The following SLC19A1 variants were observed in gnomAD, a reference collection of about 807,000 sequenced individuals.
SLC19A1 encodes the protein reduced folate transporter.
A neutral mutation model predicts 35.3 loss-of-function variants in SLC19A1; 37 were observed. The ratio of observed to expected loss-of-function variants is 1.05; its 90% CI spans 0.81 to 1.38. The LOEUF (loss-of-function observed/expected upper bound fraction) is 1.38, where lower values mean the gene tolerates loss of function less well. Among genes scored for constraint, SLC19A1 ranks in the 40% most tolerant of loss-of-function variants. SLC19A1 has a pLI of 0.00. For missense variants in SLC19A1, 831 were observed against 826.9 expected, an observed-to-expected ratio of 1.00 and a Z score of -0.06; for synonymous variants, 460 against 398.5, an observed-to-expected ratio of 1.15 and a Z score of -1.84.
At chr21:45,521,091 G>C (rs1048967580) in intron 5 of SLC19A1, among the ~76,000 whole-genome samples, 3 of 150,926 alleles carry the variant, frequency 2.0e-5, no homozygotes, top group African/African-American at 7.3e-5. Context: ...ACCATATGAA[G>C]ACAAAGGGAG....
At chr21:45,509,095 G>C (rs1346081803), downstream of SLC19A1, among the ~76,000 whole-genome samples, 1 of 152,134 alleles carries the variant, frequency 6.6e-6, no homozygotes, top group African/African-American at 2.4e-5. Context: ...GGCACGTGGT[G>C]AGTGATTGCT....
chr21:45,555,620 G>A (rs968823265), intron 1 of SLC19A1, among the ~76,000 whole-genome samples: 23 of 150,712 alleles, frequency 1.5e-4, no homozygotes, highest in Admixed American at 1.2e-3. Context: ...CCACCGTCCC[G>A]GGCACTTGGG....
chr21:45,550,483 T>C (rs913001922), intron 1 of SLC19A1, among the ~76,000 whole-genome samples: 26 of 152,252 alleles, frequency 1.7e-4, no homozygotes, highest in South Asian at 4.1e-4. Flanking sequence ...TGGAATTTCC[T>C]TGACTACACG....
In SLC19A1 at chr21:45,515,374, A is replaced by T; in HGVS notation, c.*284T>A. The T allele has an allele frequency of 7.0e-7, 1 of 1,437,210 alleles. No individual in the cohort carries two copies. Among genetic ancestry groups the T allele is most frequent in the African/African-American group, 1.4e-5 (1 of 69,718 alleles). 89.0% of individuals were successfully genotyped at this position (1,437,210 alleles called of 1,614,324 possible). Reference sequence around the variant, plus strand: ...ATTTGTCTCAAGCCCCCCAAGGGGCATGAGCCAGTGAGGCCTGGTGGACGC... The same window carrying T: ...ATTTGTCTCAAGCCCCCCAAGGGGCTTGAGCCAGTGAGGCCTGGTGGACGC... On this transcript the variant is annotated 3_prime_UTR_variant, in exon 6 of 6. Coordinates refer to ENST00000311124, the MANE Select transcript of SLC19A1 (RefSeq NM_194255.4).
chr21:45,542,741 G>A (rs971885289), upstream of SLC19A1, among the ~76,000 whole-genome samples: 2 of 150,892 alleles, frequency 1.3e-5, no homozygotes, highest in African/African-American at 4.9e-5. Context: ...ACTCGCGGAG[G>A]TGTCGGTCCC....
rs1393760307 is a variant in SLC19A1, at chr21:45,513,219, C to A, written c.*2439G>T. On this transcript the variant is annotated 3_prime_UTR_variant, in exon 6 of 6. Coordinates refer to ENST00000311124, the MANE Select transcript of SLC19A1 (RefSeq NM_194255.4). ...CCCCATCTCATGCCCCTGGCTGGGA[C>A]GTGGCTCAGCCAGCACTTGTCCAGC... is the stretch of plus-strand genomic sequence containing the variant. The A allele has an allele frequency of 3.3e-5, 5 of 152,342 alleles. No individual in the cohort carries two copies. Among genetic ancestry groups the A allele is most frequent in the Non-Finnish European group, 7.3e-5 (5 of 68,152 alleles). The allele number at this position is 152,342 out of a possible 1,614,324, so 9.4% of individuals were successfully genotyped here. A position where few individuals can be genotyped will look rare whatever the true frequency, so the allele number is the denominator to read the frequency against.
intron 3 of SLC19A1, chr21:45,505,397 C>T (rs1264718846): frequency 1.3e-6 from 2 of 1,583,296 alleles, no homozygotes; most frequent in African/African-American, 2.7e-5. Flanking sequence ...CCTGGGCCCC[C>T]TGGGCCCCCT....
At chr21:45,528,692 G>A (rs750623457) in intron 4 of SLC19A1, among the ~76,000 whole-genome samples, 18 of 152,230 alleles carry the variant, frequency 1.2e-4, no homozygotes, top group Non-Finnish European at 1.9e-4. Flanking sequence ...GTAGGTAGAA[G>A]GGCATTCATC....
intron 3 of SLC19A1, chr21:45,505,123 G>T: frequency 6.2e-7 from 1 of 1,606,860 alleles, no homozygotes; most frequent in Non-Finnish European, 8.5e-7. Flanking sequence ...GTCTCTTGTC[G>T]CCGTCCGTAG....
chr21:45,546,317 A>C (rs925315847), upstream of SLC19A1, among the ~76,000 whole-genome samples: 56 of 152,196 alleles, frequency 3.7e-4, no homozygotes, highest in African/African-American at 1.3e-3. Context: ...CGCATCCCCC[A>C]AGTGAGCGCA....
At chr21:45,518,499 T>A (rs1239484906) in intron 5 of SLC19A1, among the ~76,000 whole-genome samples, 1 of 152,166 alleles carries the variant, frequency 6.6e-6, no homozygotes, top group Non-Finnish European at 1.5e-5. Flanking sequence ...CACTGCAGAT[T>A]CATGAAGCTG....
chr21:45,556,197 C>T (rs3746988), intron 1 of SLC19A1, among the ~76,000 whole-genome samples: 55,943 of 152,094 alleles, frequency 0.37, 10,671 homozygotes, highest in East Asian at 0.47. Flanking sequence ...CCGGGGATGA[C>T]CAGCAGAGGT....
At chr21:45,536,086 G>A (rs1262719084) in intron 2 of SLC19A1, 4 of 282,576 alleles carry the variant, frequency 1.4e-5, no homozygotes, top group African/African-American at 2.3e-5. Flanking sequence ...AGCTCTCCCC[G>A]GGCCTCTCCT....
chr21:45,518,626 A>G (rs895076199), intron 5 of SLC19A1, among the ~76,000 whole-genome samples: 1 of 152,200 alleles, frequency 6.6e-6, no homozygotes, highest in East Asian at 1.9e-4. Context: ...GAGAAAAATG[A>G]CACTTTACGG....
chr21:45,510,515 C>CCCGCT (rs1313255076), downstream of SLC19A1, among the ~76,000 whole-genome samples: 2 of 152,170 alleles, frequency 1.3e-5, no homozygotes, highest in African/African-American at 4.8e-5. Flanking sequence ...CCCCTGACCC[C>CCCGCT]CCGCTCCCCC....
At chr21:45,532,886 G>A (rs950103990) in intron 2 of SLC19A1, among the ~76,000 whole-genome samples, 1 of 152,230 alleles carries the variant, frequency 6.6e-6, no homozygotes, top group Non-Finnish European at 1.5e-5. Flanking sequence ...AGAAAGGAAG[G>A]GCAGGATCAG....
chr21:45,552,346 A>G (rs1195847556), intron 1 of SLC19A1, among the ~76,000 whole-genome samples: 1 of 152,122 alleles, frequency 6.6e-6, no homozygotes, highest in Non-Finnish European at 1.5e-5. Context: ...TCCCAGGGAA[A>G]GAACAAAACT....
In SLC19A1 at chr21:45,505,342, G is replaced by C. The variant is rs764803670; in HGVS notation, c.498-6730C>G. ...TCGTGTGGCTTCGTGTTCCCACCTT[G>C]GTTTCTCTCCTGCAGCTATCAGCGT... On this transcript the variant is annotated intron_variant, in intron 3 of 4. Coordinates refer to the SLC19A1 transcript ENST00000417954. 1.9e-6 allele frequency: 3 copies of C among 1,594,660 alleles called. No individual in the cohort carries two copies. The South Asian group carries it at 3.3e-5, about 18-fold the overall frequency.
At position 45,537,933 on chromosome 21, in the gene SLC19A1, C is replaced by T; in HGVS notation, c.27G>A (p.Glu9=). The T allele has an allele frequency of 1.3e-6, 2 of 1,583,796 alleles. No individual in the cohort carries two copies. The highest frequency in any genetic ancestry group is 1.7e-4 in the Middle Eastern group (1 of 5,992). Residue 9 remains glutamate (E), a synonymous_variant, in exon 2 of 6, where the codon GAG becomes GAA. Coordinates refer to ENST00000311124, the MANE Select transcript of SLC19A1 (RefSeq NM_194255.4). MVPSSPAV[E]KQVPVEPGPD... ...GCCCAGGTTCCACGGGCACCTGCTT[C>T]TCCACCGCTGGGCTGGAGGGCACCA...
Sources: gnomAD v4.1 joint callset for allele counts (sites outside exome capture counted in the v4.1 genomes callset) on GRCh38, gnomAD v4.1.1 for gene constraint, MANE v1.5 for transcripts, NCBI Gene and HGNC (gene_info 2026-07-23, HGNC 2026-07-21) for gene names.